C11orf58: variants seen among roughly 807,000 people sequenced by gnomAD.
C11orf58 encodes small acidic protein.
In C11orf58, 5 loss-of-function variants were observed where a neutral mutation model predicts 22.7. The ratio of observed to expected loss-of-function variants is 0.22; its 90% CI spans 0.12 to 0.46. C11orf58 has a LOEUF of 0.46. Among genes scored for constraint, C11orf58 ranks in the 20% least tolerant of loss-of-function variants. The pLI is 0.99. For missense variants in C11orf58, 151 were observed against 223.3 expected, an observed-to-expected ratio of 0.68 and a Z score of 2.06; for synonymous variants, 71 against 70.7, an observed-to-expected ratio of 1.00 and a Z score of -0.02.
chr11:16,749,649 G>A (rs1848515904), intron 3 of C11orf58: 1 of 152,260 alleles, frequency 6.6e-6, no homozygotes, highest in Non-Finnish European at 1.5e-5. Context: ...TCTCATAGGA[G>A]CATGAACCCT....
In C11orf58 at chr11:16,751,499, C is replaced by CG. The variant is rs1228467741; in HGVS notation, c.209-1285dup. On this transcript the variant is annotated intron_variant, in intron 3 of 4. Transcript: ENST00000228136. Reference sequence around the variant, plus strand: ...CCTGGGCAAGAGAGCGAGACTCCCTCGAAAAAAAAAAAAAAACTTGCTTAC... The same window carrying CG: ...CCTGGGCAAGAGAGCGAGACTCCCTCGGAAAAAAAAAAAAAAACTTGCTTAC... The CG allele has an allele frequency of 2.5e-4, 19 of 77,456 alleles. 1 individual carries two copies. In the South Asian group the frequency reaches 5.9e-3, roughly 24 times the overall value. 4.8% of individuals were successfully genotyped at this position (77,456 alleles called of 1,614,324 possible).
chr11:16,752,523 C>A, intron 3 of C11orf58: 1 of 225,484 alleles, frequency 4.4e-6, no homozygotes. Context: ...AGAAAAAAAT[C>A]TTTCAGGATA....
intron 3 of C11orf58, 146 bp downstream of exon 3, chr11:16,748,303 C>T (rs779397625): frequency 1.7e-6 from 1 of 605,986 alleles, no homozygotes; most frequent in Non-Finnish European, 2.8e-6. Flanking sequence ...GGCTTAATGC[C>T]TGTAATCCCG....
rs1848577243 is a variant in C11orf58, at chr11:16,756,315, G to A, written c.*1211G>A. On this transcript the variant is annotated 3_prime_UTR_variant, in exon 5 of 5. Coordinates refer to ENST00000228136, the MANE Select transcript of C11orf58 (RefSeq NM_014267.6). ...GACGGAGTCTCATTCTGTCGCCCAGGCTGGAGTGCAGTGGCGCGATCTCAG... is the reference window on the plus strand; with the variant it reads ...GACGGAGTCTCATTCTGTCGCCCAGACTGGAGTGCAGTGGCGCGATCTCAG... The A allele has an allele frequency of 6.9e-6, 1 of 144,952 alleles. No individual in the cohort carries two copies. Among genetic ancestry groups the A allele is most frequent in the Admixed American group, 7.1e-5 (1 of 14,036 alleles). The allele number at this position is 144,952 out of a possible 1,614,324, so 9.0% of individuals were successfully genotyped here.
rs1218968723 is a variant in C11orf58 at position 16,755,654 on chromosome 11, T to G, written c.*550T>G. The G allele has an allele frequency of 1.3e-5, 2 of 152,736 alleles. No homozygotes were observed. The highest frequency in any genetic ancestry group is 2.9e-5 in the Non-Finnish European group (2 of 68,136). The allele number at this position is 152,736 out of a possible 1,614,324, so 9.5% of individuals were successfully genotyped here. On this transcript the variant is annotated 3_prime_UTR_variant, in exon 5 of 5. Coordinates refer to ENST00000228136, the MANE Select transcript of C11orf58 (RefSeq NM_014267.6). ...GAGAGCAAGTACTTTTCACACTTGT[T>G]AAGATGGAGTTATAACTGTCATACA...
chr11:16,743,854 G>A (rs1419596610), intron 1 of C11orf58, among the ~76,000 whole-genome samples: 4 of 151,746 alleles, frequency 2.6e-5, no homozygotes, highest in Non-Finnish European at 5.9e-5. Flanking sequence ...CAAAATGTAG[G>A]GAAAAAATAC....
At chr11:16,746,465 T>C (rs953025073) in intron 2 of C11orf58, among the ~76,000 whole-genome samples, 1 of 152,196 alleles carries the variant, frequency 6.6e-6, no homozygotes, top group Non-Finnish European at 1.5e-5. Flanking sequence ...TCATTATAGG[T>C]TGTTTCAACT....
intron 4 of C11orf58, 98 bp from the exon 5 acceptor site, chr11:16,754,773 A>C (rs1848562084): frequency 1.3e-6 from 2 of 1,535,108 alleles, no homozygotes; most frequent in Non-Finnish European, 1.7e-6. Flanking sequence ...ATGGCTACAA[A>C]GTAGAGTGTT....
chr11:16,742,597 A>G (rs1376947803), intron 1 of C11orf58, among the ~76,000 whole-genome samples: 1 of 152,186 alleles, frequency 6.6e-6, no homozygotes, highest in African/African-American at 2.4e-5. Flanking sequence ...CCTTCCACTA[A>G]TGAGAATTTA....
intron 1 of C11orf58, among the ~76,000 whole-genome samples, chr11:16,739,142 C>G (rs1488116541): frequency 2.6e-5 from 4 of 151,938 alleles, no homozygotes; most frequent in Admixed American, 2.0e-4. Context: ...TTTTGGGGGG[C>G]CGATGAGAGT....
rs1385892821 is a variant in C11orf58 at position 16,757,884 on chromosome 11, G to GA, written c.*2787dup. Among the ~76,000 whole-genome samples the GA allele has an allele frequency of 6.6e-6, 1 of 152,138 alleles. No individual in the cohort carries two copies. Among genetic ancestry groups the GA allele is most frequent in the Non-Finnish European group, 1.5e-5 (1 of 68,030 alleles). On this transcript the variant is annotated 3_prime_UTR_variant, in exon 5 of 5. Transcript: ENST00000228136. Reference sequence around the variant, plus strand: ...TAAATCTGAGAGAATTGAAGGTACAGAAAAAAATTCTGGAGTGCCTGAACC... The same window carrying GA: ...TAAATCTGAGAGAATTGAAGGTACAGAAAAAAAATTCTGGAGTGCCTGAACC...
chr11:16,741,094 TA>T (rs10634210), intron 1 of C11orf58, among the ~76,000 whole-genome samples: 23,715 of 139,006 alleles, frequency 0.17, 2,465 homozygotes, highest in East Asian at 0.32. Context: ...AGACTCTGTT[TA>T]AAAAAAAAAA....
intron 4 of C11orf58, chr11:16,753,799 C>T (rs1590076075): frequency 2.5e-6 from 1 of 402,944 alleles, no homozygotes; most frequent in Non-Finnish European, 4.4e-6. Flanking sequence ...TATAGTGGCA[C>T]AGTCTCACTG....
chr11:16,748,152 G>A lies in C11orf58; in HGVS notation c.203G>A (p.Arg68Gln), dbSNP rs1848502699. 3.1e-6 allele frequency: 5 copies of A among 1,610,400 alleles called. No homozygotes were observed. Among genetic ancestry groups the A allele is most frequent in the South Asian group, 1.1e-5 (1 of 90,984 alleles). ...GATCACAAATCAACATCTCACTTCC[G>A]AACCGGTAAGAAAGTAAAGTGTAAT... Reference protein sequence around the residue: ...IGDHKSTSHFRTGEEDKKINE... With the variant: ...IGDHKSTSHFQTGEEDKKINE... The change falls in exon 3 of 5, where the codon CGA (arginine) becomes CAA (glutamine). Residue 68 changes from arginine (R) to glutamine (Q), a missense_variant. Around this residue, in one of 3 missense-constraint regions of C11orf58, gnomAD observed 112 missense variants for 162.6 expected, o/e 0.69. Coordinates refer to ENST00000228136, the MANE Select transcript of C11orf58 (RefSeq NM_014267.6).
intron 2 of C11orf58, chr11:16,747,808 A>C (rs943616682): frequency 5.1e-6 from 1 of 194,704 alleles, no homozygotes. Flanking sequence ...CTAGTTATCT[A>C]TTCATCTTAT....
chr11:16,755,304 G>C lies in C11orf58; in HGVS notation c.*200G>C. The C allele has an allele frequency of 5.9e-6, 3 of 506,778 alleles. No individual in the cohort carries two copies. Among genetic ancestry groups the C allele is most frequent in the Middle Eastern group, 5.1e-4 (1 of 1,970 alleles). 31.4% of individuals were successfully genotyped at this position (506,778 alleles called of 1,614,324 possible). ...ATAACCATTTTTGTAAAGAGTAAGA[G>C]TTGTATAAAATAAGAAATAAATACA... is the stretch of plus-strand genomic sequence containing the variant. On this transcript the variant is annotated 3_prime_UTR_variant, in exon 5 of 5. Coordinates refer to ENST00000228136, the MANE Select transcript of C11orf58 (RefSeq NM_014267.6).
At chr11:16,752,963 A>G in intron 4 of C11orf58, 69 bp downstream of exon 4, 1 of 1,213,498 alleles carries the variant, frequency 8.2e-7, no homozygotes, top group South Asian at 1.4e-5. Flanking sequence ...TTGCTGTTAG[A>G]TTACCCTAGC....
intron 4 of C11orf58, chr11:16,754,072 G>A: frequency 2.5e-6 from 1 of 404,962 alleles, no homozygotes; most frequent in Non-Finnish European, 4.4e-6. Flanking sequence ...TAAAATAATG[G>A]TTTAGGAGAG....
chr11:16,750,531 A>G (rs549504668), intron 3 of C11orf58: 1 of 152,404 alleles, frequency 6.6e-6, no homozygotes, highest in Admixed American at 6.5e-5. Context: ...AAGGTGGCAC[A>G]TGTTCCTCTT....
Sources: allele counts gnomAD v4.1 joint callset (sites outside exome capture counted in the v4.1 genomes callset), GRCh38; gene constraint gnomAD v4.1.1; regional missense constraint gnomAD v4.1.1; transcripts MANE v1.5; gene names NCBI Gene and HGNC (gene_info 2026-07-23, HGNC 2026-07-21).